Variants in CNTNAP2 observed in about 807,000 individuals in gnomAD.
The protein encoded by CNTNAP2 is contactin associated protein 2.
A neutral mutation model predicts 155.2 loss-of-function variants in CNTNAP2; 98 were observed. That is an observed-to-expected ratio of 0.63 (90% CI 0.54 to 0.75). The LOEUF (loss-of-function observed/expected upper bound fraction) is 0.75. CNTNAP2 is among the 30% of genes least tolerant of loss of function. The pLI is 0.00. For missense variants in CNTNAP2, 1,727 were observed against 1,688.1 expected (o/e 1.02, Z -0.40); for synonymous variants, 651 against 631.2 (o/e 1.03, Z -0.47).
intron 1 of CNTNAP2, among the ~76,000 whole-genome samples, chr7:146,295,499 A>G (rs1025002301): frequency 4.6e-5 from 7 of 152,188 alleles, no homozygotes; most frequent in African/African-American, 9.6e-5. Flanking sequence ...CTCCCAGAGT[A>G]TTCAAATTTT....
At chr7:146,535,305 G>C (rs60543121) in intron 1 of CNTNAP2, among the ~76,000 whole-genome samples, 1 of 53,196 alleles carries the variant, frequency 1.9e-5, no homozygotes, top group Non-Finnish European at 2.8e-5. Context: ...TATTATATAT[G>C]ATATTATATC....
At chr7:147,789,078 T>C (rs2116569610) in intron 13 of CNTNAP2, among the ~76,000 whole-genome samples, 1 of 151,892 alleles carries the variant, frequency 6.6e-6, no homozygotes, top group African/African-American at 2.4e-5. Flanking sequence ...CTAATTTTTT[T>C]ATATTTTTAG....
intron 20 of CNTNAP2, among the ~76,000 whole-genome samples, chr7:148,246,541 C>T (rs932537462): frequency 1.3e-5 from 2 of 152,306 alleles, no homozygotes; most frequent in Non-Finnish European, 1.5e-5. Flanking sequence ...AAACACCCCA[C>T]ATACGAGAAT....
intron 1 of CNTNAP2, among the ~76,000 whole-genome samples, chr7:146,324,616 C>T (rs549422192): frequency 5.9e-5 from 9 of 152,120 alleles, no homozygotes; most frequent in Non-Finnish European, 8.8e-5. Context: ...AAAGTTGAAT[C>T]ATCTATCATT....
chr7:147,145,898 C>T (rs550089458), intron 8 of CNTNAP2, among the ~76,000 whole-genome samples: 33 of 152,252 alleles, frequency 2.2e-4, no homozygotes, highest in African/African-American at 7.7e-4. Flanking sequence ...ATGTACTATT[C>T]TAAGGCATAT....
chr7:147,722,871 G>A (rs1190019841), intron 13 of CNTNAP2, among the ~76,000 whole-genome samples: 1 of 152,188 alleles, frequency 6.6e-6, no homozygotes, highest in South Asian at 2.1e-4. Context: ...TAGAATCACT[G>A]TAAGATCTTC....
chr7:148,239,235 A>G (rs1156870536), intron 20 of CNTNAP2, among the ~76,000 whole-genome samples: 1 of 152,224 alleles, frequency 6.6e-6, no homozygotes, highest in Non-Finnish European at 1.5e-5. Context: ...TACCTATTAT[A>G]GCACTGGCTC....
At chr7:146,832,336 T>G (rs1411034525) in intron 2 of CNTNAP2, among the ~76,000 whole-genome samples, 1 of 151,922 alleles carries the variant, frequency 6.6e-6, no homozygotes, top group Non-Finnish European at 1.5e-5. Flanking sequence ...TTCAAATGTT[T>G]ATATTCTGTG....
intron 1 of CNTNAP2, among the ~76,000 whole-genome samples, chr7:146,451,366 C>T (rs1476835777): frequency 6.6e-6 from 1 of 152,180 alleles, no homozygotes; most frequent in South Asian, 2.1e-4. Flanking sequence ...TCCCTTTTCT[C>T]TGGCATTAAC....
intron 1 of CNTNAP2, among the ~76,000 whole-genome samples, chr7:146,710,071 G>A (rs1801036545): frequency 6.6e-6 from 1 of 152,210 alleles, no homozygotes; most frequent in African/African-American, 2.4e-5. Context: ...AGGCCCATCA[G>A]CGAAGGCAGA....
At chr7:148,169,494 G>A (rs1379213611) in intron 17 of CNTNAP2, among the ~76,000 whole-genome samples, 1 of 152,172 alleles carries the variant, frequency 6.6e-6, no homozygotes, top group Non-Finnish European at 1.5e-5. Flanking sequence ...GACGACAAGT[G>A]TGCAAAGGTT....
At chr7:147,129,371 G>A (rs1187279469) in intron 7 of CNTNAP2, among the ~76,000 whole-genome samples, 2 of 152,170 alleles carry the variant, frequency 1.3e-5, no homozygotes, top group African/African-American at 4.8e-5. Flanking sequence ...CATAGCCAAA[G>A]CTGTGCCACA....
intron 1 of CNTNAP2, among the ~76,000 whole-genome samples, chr7:146,473,097 C>T (rs1323473197): frequency 1.3e-5 from 2 of 151,944 alleles, no homozygotes; most frequent in African/African-American, 4.8e-5. Flanking sequence ...GTTGAGCCTA[C>T]ACCTTAATCA....
intron 21 of CNTNAP2, among the ~76,000 whole-genome samples, chr7:148,325,638 T>G (rs1487540228): frequency 1.3e-5 from 2 of 152,178 alleles, no homozygotes; most frequent in Non-Finnish European, 2.9e-5. Flanking sequence ...AACCAATAGA[T>G]TTATTTTTAG....
intron 1 of CNTNAP2, among the ~76,000 whole-genome samples, chr7:146,371,365 G>GTTTTTTTTTTTT (rs58066282): frequency 4.1e-5 from 4 of 98,538 alleles, no homozygotes; most frequent in East Asian, 3.0e-4. Flanking sequence ...GCCAGTATTA[G>GTTTTTTTTTTTT]TTTTTTTTTT....
chr7:147,630,066 A>G (rs1244261643), intron 12 of CNTNAP2, among the ~76,000 whole-genome samples: 1 of 150,976 alleles, frequency 6.6e-6, no homozygotes, highest in East Asian at 1.9e-4. Flanking sequence ...TAATTGATAG[A>G]CCATTAGCAA....
intron 13 of CNTNAP2, among the ~76,000 whole-genome samples, chr7:147,674,958 C>G (rs1043767987): frequency 1.9e-4 from 29 of 151,720 alleles, no homozygotes; most frequent in African/African-American, 6.0e-4. Flanking sequence ...GATCTTCATT[C>G]ATGGATGTGT....
At chr7:147,612,637 G>T (rs1801209626) in intron 12 of CNTNAP2, among the ~76,000 whole-genome samples, 1 of 151,936 alleles carries the variant, frequency 6.6e-6, no homozygotes. Context: ...CTGAGCTCAG[G>T]CAATCTGCCC....
chr7:147,257,013 C>T (rs1368596477), intron 8 of CNTNAP2, among the ~76,000 whole-genome samples: 1 of 151,724 alleles, frequency 6.6e-6, no homozygotes, highest in African/African-American at 2.4e-5. Context: ...AAAAGAAACA[C>T]GTGGACTAAG....
Sources: allele counts gnomAD v4.1 joint callset (sites outside exome capture counted in the v4.1 genomes callset), GRCh38; gene constraint gnomAD v4.1.1; transcripts MANE v1.5; gene names NCBI Gene and HGNC (gene_info 2026-07-23, HGNC 2026-07-21).